Variants in LPA observed in about 807,000 individuals in gnomAD.
LPA encodes lipoprotein(a).
A neutral mutation model predicts 197.9 loss-of-function variants in LPA; 199 were observed. That is an observed-to-expected ratio of 1.01 (90% CI 0.90 to 1.13). LPA has a LOEUF of 1.13. Ranked by LOEUF, LPA falls within the 50% of genes most tolerant of loss-of-function variation. LPA has a pLI of 0.00. For synonymous variants in LPA, 715 were observed against 639.5 expected (o/e 1.12, Z -1.78); for missense variants, 1,853 against 1,785.8 (o/e 1.04, Z -0.68).
chr6:160,576,396 ATATATATATATATATATATGGG>A (rs1778675669), intron 28 of LPA, among the ~76,000 whole-genome samples: 110 of 46,934 alleles, frequency 2.3e-3, no homozygotes, highest in African/African-American at 0.012. Context: ...ATATGTATAT[ATATATATATATATATATATGGG>A]TATATATATA....
intron 23 of LPA, among the ~76,000 whole-genome samples, chr6:160,590,689 A>T (rs1779007976): frequency 6.6e-6 from 1 of 152,142 alleles, no homozygotes; most frequent in African/African-American, 2.4e-5. Context: ...TAATCTATTG[A>T]ATAACCAGGG....
At chr6:160,572,633 C>CA (rs1409305919) in intron 28 of LPA, among the ~76,000 whole-genome samples, 2 of 147,696 alleles carry the variant, frequency 1.4e-5, no homozygotes, top group Non-Finnish European at 3.0e-5. Flanking sequence ...TTTGTTTGTC[C>CA]AAAAACGACT....
intron 14 of LPA, among the ~76,000 whole-genome samples, chr6:160,615,491 A>AT (rs1779582329): frequency 8.3e-6 from 1 of 119,782 alleles, no homozygotes; most frequent in African/African-American, 3.7e-5. Context: ...ATTAAGACAT[A>AT]CTTTTTTTAT....
intron 24 of LPA, 148 bp from the exon 25 acceptor site, chr6:160,586,778 A>G (rs1481455011): frequency 1.9e-6 from 2 of 1,037,762 alleles, no homozygotes; most frequent in Non-Finnish European, 2.9e-6. Flanking sequence ...AATGGTCCTC[A>G]ACTTCTAAAC....
intron 19 of LPA, 55 bp downstream of exon 19, chr6:160,600,862 C>G: frequency 3.8e-6 from 6 of 1,582,898 alleles, no homozygotes. Context: ...GTGGGGGTAT[C>G]CATGGCTTTT....
intron 16 of LPA, among the ~76,000 whole-genome samples, chr6:160,607,446 A>C (rs992259648): frequency 6.6e-6 from 1 of 152,158 alleles, no homozygotes; most frequent in Non-Finnish European, 1.5e-5. Flanking sequence ...TTGAAAGAAC[A>C]GTGGGACCCA....
chr6:160,606,773 A>G, intron 16 of LPA, 115 bp from the exon 17 acceptor site: 3 of 1,480,512 alleles, frequency 2.0e-6, no homozygotes, highest in East Asian at 2.3e-5. Context: ...TAATATTCCC[A>G]TAAAAGTACC....
At chr6:160,635,422 A>G (rs1779797281) in intron 6 of LPA, 118 bp from the exon 7 acceptor site, 1 of 521,384 alleles carries the variant, frequency 1.9e-6, no homozygotes, top group Non-Finnish European at 3.1e-6. Flanking sequence ...TATTCCCATT[A>G]AAAGTACCAT....
intron 31 of LPA, among the ~76,000 whole-genome samples, 189 bp from the exon 32 acceptor site, chr6:160,548,126 C>A (rs554447310): frequency 6.6e-6 from 1 of 152,154 alleles, no homozygotes; most frequent in Non-Finnish European, 1.5e-5. Context: ...ACTGGAAATG[C>A]TTATTGGCTT....
At chr6:160,609,267 A>G (rs975674709) in intron 16 of LPA, among the ~76,000 whole-genome samples, 1 of 152,054 alleles carries the variant, frequency 6.6e-6, no homozygotes, top group Non-Finnish European at 1.5e-5. Flanking sequence ...TTTATCCAAC[A>G]TGGATGATCT....
chr6:160,602,399 C>T (rs1189369216), intron 18 of LPA, among the ~76,000 whole-genome samples: 1 of 152,182 alleles, frequency 6.6e-6, no homozygotes, highest in African/African-American at 2.4e-5. Context: ...TACAATGGTA[C>T]ACTTCCAATT....
At chr6:160,584,170 T>TTTC (rs56164694) in intron 26 of LPA, among the ~76,000 whole-genome samples, 2,642 of 103,124 alleles carry the variant, frequency 0.026, 86 homozygotes, top group Non-Finnish European at 0.032. Flanking sequence ...TCATTTCTAT[T>TTTC]TTCTTCTTCT....
rs761686158 is a variant in LPA, at chr6:160,547,868, T to A, written c.5225A>T (p.Gln1742Leu). 1 of 1,614,190 alleles carries A rather than the reference T, an allele frequency of 6.2e-7. No homozygotes were observed. The highest frequency in any genetic ancestry group is 1.1e-5 in the South Asian group (1 of 91,080). Residue 1742 changes from glutamine to leucine, a missense_variant, in exon 32 of 39, where the codon CAG becomes CTG. Around this residue, in one of 3 missense-constraint regions of LPA, gnomAD observed 1,737 missense variants for 1,504.4 expected, o/e 1.15. Transcript: ENST00000316300. ...ATGGGGCTCCTGGGCAGCCCATTCC[T>A]GGCATGGCGTCCCAGTAACAGTGGT... ...KATTVTGTPCQEWAAQEPHRH... is the reference protein window; with the variant it reads ...KATTVTGTPCLEWAAQEPHRH...
chr6:160,558,944 G>A (rs1778317279), intron 28 of LPA, among the ~76,000 whole-genome samples: 1 of 152,216 alleles, frequency 6.6e-6, no homozygotes, highest in African/African-American at 2.4e-5. Context: ...ACCCCCATTT[G>A]AGTAAGCTGG....
intron 36 of LPA, 53 bp from the exon 37 acceptor site, chr6:160,538,014 T>C: frequency 6.7e-7 from 1 of 1,503,430 alleles, no homozygotes. Flanking sequence ...GAAGTGGCAG[T>C]ACCTACAACC....
At chr6:160,550,291 C>T (rs1489014716) in intron 30 of LPA, among the ~76,000 whole-genome samples, 4 of 151,722 alleles carry the variant, frequency 2.6e-5, no homozygotes, top group East Asian at 1.9e-4. Context: ...TGCTCCCCTT[C>T]GTTCCTCCCA....
intron 36 of LPA, among the ~76,000 whole-genome samples, chr6:160,538,422 G>A (rs557920060): frequency 1.3e-5 from 2 of 152,182 alleles, no homozygotes; most frequent in African/African-American, 2.4e-5. Context: ...CTTCCTCCTC[G>A]TGAATGTTAC....
intron 34 of LPA, 151 bp downstream of exon 34, chr6:160,542,537 C>CT (rs1358664481): frequency 4.1e-6 from 5 of 1,224,354 alleles, no homozygotes; most frequent in Non-Finnish European, 4.4e-6. Flanking sequence ...AATAATATAA[C>CT]TTTTTTTAAT....
intron 35 of LPA, among the ~76,000 whole-genome samples, chr6:160,540,662 A>G (rs1458111971): frequency 2.0e-5 from 3 of 152,200 alleles, no homozygotes; most frequent in Non-Finnish European, 4.4e-5. Flanking sequence ...CCATGATTGT[A>G]ATCTTCCTTA....
Sources: gnomAD v4.1 joint callset for allele counts (sites outside exome capture counted in the v4.1 genomes callset) on GRCh38, gnomAD v4.1.1 for gene constraint, gnomAD v4.1.1 regional missense constraint, MANE v1.5 for transcripts, NCBI Gene and HGNC (gene_info 2026-07-23, HGNC 2026-07-21) for gene names.